NCOA6: variants seen among roughly 807,000 people sequenced by gnomAD.
NCOA6 encodes NRC RAP250.
NCOA6 carries 49 observed loss-of-function variants against 171.4 expected under a neutral mutation model. The observed-to-expected ratio is 0.29, with a 90% confidence interval of 0.23 to 0.36. The LOEUF (loss-of-function observed/expected upper bound fraction) is 0.36, where lower values mean the gene tolerates loss of function less well. NCOA6 is among the 10% of genes least tolerant of loss of function. NCOA6 has a pLI of 1.00. For missense variants in NCOA6, 2,248 were observed against 2,554.5 expected, an observed-to-expected ratio of 0.88 and a Z score of 2.59; for synonymous variants, 910 against 927.5, an observed-to-expected ratio of 0.98 and a Z score of 0.34.
rs201030340 is a variant in NCOA6, at chr20:34,750,467, C to T, written c.1728G>A (p.Pro576=). The change falls in exon 9 of 15, where the codon CCG becomes CCA. Residue 576 remains proline (P), a synonymous_variant. Coordinates refer to ENST00000359003, the MANE Select transcript of NCOA6 (RefSeq NM_014071.5). ...PQNQMQVSHG[P]PNMMQPSLMG... is the part of the protein sequence containing the mutation. The stretch of plus-strand genomic sequence containing the variant: ...TGAGGCTGGGCTGCATCATATTTGG[C>T]GGCCCGTGGGACACCTGCATCTGGT... The T allele has an allele frequency of 7.6e-5, 122 of 1,612,912 alleles. No individual in the cohort carries two copies. The highest frequency in any genetic ancestry group is 5.0e-5 in the Admixed American group (3 of 59,920).
chr20:34,729,056 T>C (rs1990307755), intron 13 of NCOA6, among the ~76,000 whole-genome samples: 1 of 152,210 alleles, frequency 6.6e-6, no homozygotes, highest in Admixed American at 6.5e-5. Context: ...GTTCAAGCAA[T>C]TCTCCTGTCT....
At position 34,793,482 on chromosome 20, in the gene NCOA6, G is replaced by T. The variant is rs973505811; in HGVS notation, c.-163-919C>A. ...GATATAAAACTTATGCATGGAACTT[G>T]CATGGTGGTGCATGCCGGTGGTCCC... On this transcript the variant is annotated intron_variant, in intron 1 of 14. Coordinates refer to ENST00000359003, the MANE Select transcript of NCOA6 (RefSeq NM_014071.5). Among the ~76,000 whole-genome samples, 6 of 152,118 alleles carry T rather than the reference G, an allele frequency of 3.9e-5. No homozygotes were observed. The South Asian group carries it at 6.2e-4, about 16-fold the overall frequency.
At chr20:34,724,397 C>T (rs1317621429) in intron 14 of NCOA6, among the ~76,000 whole-genome samples, 1 of 152,326 alleles carries the variant, frequency 6.6e-6, no homozygotes, top group South Asian at 2.1e-4. Flanking sequence ...CTGCCAACAG[C>T]AGCTGAGTCC....
At chr20:34,737,057 C>T (rs1354316488) in intron 11 of NCOA6, among the ~76,000 whole-genome samples, 2 of 152,122 alleles carry the variant, frequency 1.3e-5, no homozygotes, top group Non-Finnish European at 2.9e-5. Flanking sequence ...TTCTTGGGGT[C>T]AGGTCCTGAC....
At chr20:34,799,346 C>T (rs1406983315) in intron 1 of NCOA6, among the ~76,000 whole-genome samples, 1 of 151,968 alleles carries the variant, frequency 6.6e-6, no homozygotes, top group Non-Finnish European at 1.5e-5. Flanking sequence ...CAGAAAATAG[C>T]CTCAAAAGGG....
At chr20:34,751,741 A>G (rs1451137158) in intron 8 of NCOA6, among the ~76,000 whole-genome samples, 2 of 152,160 alleles carry the variant, frequency 1.3e-5, no homozygotes, top group African/African-American at 4.8e-5. Flanking sequence ...TTTCTAACTT[A>G]GACAAAAGTT....
Position 34,742,379 on chromosome 20 carries a change from T to A in NCOA6, c.3877A>T (p.Asn1293Tyr). 1 of 1,614,200 alleles carries A rather than the reference T, an allele frequency of 6.2e-7. No individual in the cohort carries two copies. Among genetic ancestry groups the A allele is most frequent in the Non-Finnish European group, 8.5e-7 (1 of 1,180,030 alleles). Residue 1293 changes from asparagine to tyrosine, a missense_variant, in exon 11 of 15, where the codon AAT (asparagine) becomes TAT (tyrosine). Around this residue, in one of 7 missense-constraint regions of NCOA6, gnomAD observed 884 missense variants for 941.9 expected, o/e 0.94. Coordinates refer to ENST00000359003, the MANE Select transcript of NCOA6 (RefSeq NM_014071.5). ...TGTGGGGTAGCAAAATTGGAAGGAT[T>A]CATGGTAAGATTTGAAGGTGCTTGC... ...IGQAPSNLTM[N>Y]PSNFATPQTH...
chr20:34,782,029 A>T, intron 3 of NCOA6, 92 bp downstream of exon 3: 1 of 900,640 alleles, frequency 1.1e-6, no homozygotes, highest in Non-Finnish European at 1.7e-6. Flanking sequence ...GACCCAATTT[A>T]ACAAGCTTGT....
chr20:34,751,759 G>A (rs951177822), intron 8 of NCOA6, among the ~76,000 whole-genome samples: 1 of 152,118 alleles, frequency 6.6e-6, no homozygotes, highest in South Asian at 2.1e-4. Flanking sequence ...GTTGCTACCC[G>A]CCTTGCTGTA....
intron 12 of NCOA6, among the ~76,000 whole-genome samples, chr20:34,736,149 T>C (rs776421063): frequency 6.6e-6 from 1 of 152,132 alleles, no homozygotes; most frequent in Non-Finnish European, 1.5e-5. Flanking sequence ...TCCAGAAATA[T>C]CATCCCTTGT....
chr20:34,750,349 C>T lies in NCOA6; in HGVS notation c.1846G>A (p.Gly616Ser). The T allele has an allele frequency of 6.2e-7, 1 of 1,613,972 alleles. No homozygotes were observed. The highest frequency in any genetic ancestry group is 8.5e-7 in the Non-Finnish European group (1 of 1,179,956). Residue 616 changes from glycine to serine, a missense_variant, in exon 9 of 15, where the codon GGC (glycine) becomes AGC (serine). Coordinates refer to ENST00000359003, the MANE Select transcript of NCOA6 (RefSeq NM_014071.5). Reference sequence around the variant, plus strand: ...ATGCCCATCAGCTGAGATGGTGGGCCCTGCTGGGGCTGGCCTTGCATGTTG... The same window carrying T: ...ATGCCCATCAGCTGAGATGGTGGGCTCTGCTGGGGCTGGCCTTGCATGTTG... ...LSNMQGQPQQ[G>S]PPSQLMGMHQ...
chr20:34,740,528 G>A lies in NCOA6; in HGVS notation c.5728C>T (p.Leu1910Phe), dbSNP rs1568739382. The A allele has an allele frequency of 1.2e-6, 2 of 1,614,212 alleles. No homozygotes were observed. The highest frequency in any genetic ancestry group is 1.7e-5 in the Admixed American group (1 of 60,026). The change falls in exon 11 of 15, where the codon CTC becomes TTC. Residue 1910 changes from leucine to phenylalanine, a missense_variant. Around this residue, in one of 7 missense-constraint regions of NCOA6, gnomAD observed 884 missense variants for 941.9 expected, o/e 0.94. Coordinates refer to ENST00000359003, the MANE Select transcript of NCOA6 (RefSeq NM_014071.5). Reference protein sequence around the residue: ...SAGPSLPGGALPTSVRSIVTT... With the variant: ...SAGPSLPGGAFPTSVRSIVTT... Reference sequence around the variant, plus strand: ...ACTATCGAGCGTACACTGGTGGGGAGAGCACCGCCAGGTAAGCTGGGTCCT... The same window carrying A: ...ACTATCGAGCGTACACTGGTGGGGAAAGCACCGCCAGGTAAGCTGGGTCCT...
chr20:34,792,234 G>C (rs1035564826), intron 2 of NCOA6, among the ~76,000 whole-genome samples: 4 of 151,896 alleles, frequency 2.6e-5, no homozygotes, highest in Non-Finnish European at 4.4e-5. Context: ...TGAAACCTAA[G>C]ATTATCATTT....
At chr20:34,802,982 C>T (rs1225956383) in intron 1 of NCOA6, among the ~76,000 whole-genome samples, 3 of 151,550 alleles carry the variant, frequency 2.0e-5, no homozygotes, top group South Asian at 2.1e-4. Context: ...GGCTAATTTT[C>T]GTATTTTTTG....
chr20:34,812,576 A>T (rs11699062), intron 1 of NCOA6, among the ~76,000 whole-genome samples: 23,285 of 152,170 alleles, frequency 0.15, 1,945 homozygotes, highest in South Asian at 0.3. Context: ...CCCAACACAT[A>T]TTATAAACAT....
At chr20:34,787,735 G>T (rs911043363) in intron 2 of NCOA6, among the ~76,000 whole-genome samples, 3 of 152,176 alleles carry the variant, frequency 2.0e-5, no homozygotes, top group African/African-American at 4.8e-5. Context: ...GCCAGGGTAG[G>T]GTAGAAGAAA....
At chr20:34,781,699 T>A (rs1348467277) in intron 3 of NCOA6, among the ~76,000 whole-genome samples, 1 of 152,218 alleles carries the variant, frequency 6.6e-6, no homozygotes, top group Non-Finnish European at 1.5e-5. Flanking sequence ...GCTAGTGACT[T>A]CTGACATAAA....
chr20:34,747,247 T>G (rs1339159014), intron 9 of NCOA6, among the ~76,000 whole-genome samples: 1 of 152,222 alleles, frequency 6.6e-6, no homozygotes, highest in Non-Finnish European at 1.5e-5. Context: ...CTATCAATGT[T>G]ACAAGGTACT....
intron 1 of NCOA6, among the ~76,000 whole-genome samples, chr20:34,803,415 C>T (rs2078322515): frequency 6.8e-6 from 1 of 147,696 alleles, no homozygotes; most frequent in African/African-American, 2.5e-5. Flanking sequence ...TGCAGTGAGC[C>T]AATACGGCAC....
Sources: allele counts gnomAD v4.1 joint callset (sites outside exome capture counted in the v4.1 genomes callset), GRCh38; gene constraint gnomAD v4.1.1; regional missense constraint gnomAD v4.1.1; transcripts MANE v1.5; gene names NCBI Gene and HGNC (gene_info 2026-07-23, HGNC 2026-07-21).